ABL2: variants seen among roughly 807,000 people sequenced by gnomAD.
ABL2 encodes tyrosine-protein kinase ABL2.
Under a neutral mutation model 107.7 loss-of-function variants are expected in ABL2, and 49 were observed. That is an observed-to-expected ratio of 0.45 (90% CI 0.36 to 0.58). ABL2 has a LOEUF of 0.58. ABL2 is among the 20% of genes least tolerant of loss of function. The pLI, the probability that ABL2 is intolerant of heterozygous loss-of-function variation, is 0.00. For synonymous variants in ABL2, 549 were observed against 548.6 expected, an observed-to-expected ratio of 1.00 and a Z score of -0.01; for missense variants, 1,245 against 1,457.0, an observed-to-expected ratio of 0.85 and a Z score of 2.37.
chr1:179,110,776 T>C (rs1274359282), intron 10 of ABL2: 2 of 1,613,864 alleles, frequency 1.2e-6, no homozygotes. Context: ...AATACGTTGC[T>C]AGCATCATCC....
chr1:179,116,770 A>G (rs1220610785), intron 8 of ABL2: 1 of 154,588 alleles, frequency 6.5e-6, no homozygotes, highest in African/African-American at 2.4e-5. Context: ...TCGGCCTCCC[A>G]AAGTGCTGGG....
At chr1:179,130,848 T>C (rs915796215) in intron 3 of ABL2, among the ~76,000 whole-genome samples, 2 of 151,804 alleles carry the variant, frequency 1.3e-5, no homozygotes, top group Non-Finnish European at 2.9e-5. Context: ...CTTGTGTACA[T>C]GAACTGGATT....
intron 1 of ABL2, among the ~76,000 whole-genome samples, chr1:179,210,024 A>G (rs1214809445): frequency 6.6e-6 from 1 of 151,912 alleles, no homozygotes; most frequent in Middle Eastern, 3.2e-3. Context: ...ACAGGCACAC[A>G]GCTAACTTTT....
Position 179,229,365 on chromosome 1 carries a change from A to G in ABL2, c.33T>C (p.Ala11=). The change falls in exon 1 of 12, where the codon GCT becomes GCC. Residue 11 remains alanine (A), a synonymous_variant. Transcript: ENST00000502732. MGQQVGRVGE[A]PGLQQPQPRG... is the part of the protein sequence containing the mutation. ...GGGGCTGAGGCTGCTGGAGCCCCGG[A>G]GCTTCCCCGACGCGGCCCACCTGCT... 1 of 1,571,426 alleles carries G rather than the reference A, an allele frequency of 6.4e-7. No individual in the cohort carries two copies. The highest frequency in any genetic ancestry group is 8.6e-7 in the Non-Finnish European group (1 of 1,163,834).
chr1:179,120,185 C>T lies in ABL2; in HGVS notation c.1045+5G>A. 6.3e-7 allele frequency: 1 copy of T among 1,588,440 alleles called. No individual in the cohort carries two copies. Among genetic ancestry groups the T allele is most frequent in the Non-Finnish European group, 8.6e-7 (1 of 1,164,658 alleles). On this transcript the variant is annotated splice_donor_5th_base_variant and intron_variant, in intron 6 of 11. Transcript: ENST00000502732. ...GAAATCTATGGTTCAGGCAAGGTTC[C>T]TCACCTAAAAGTTGTACCAGATTAG...
At chr1:179,125,244 C>A (rs1219964728) in intron 4 of ABL2, among the ~76,000 whole-genome samples, 1 of 152,192 alleles carries the variant, frequency 6.6e-6, no homozygotes, top group Non-Finnish European at 1.5e-5. Context: ...CAAAAAAAAG[C>A]AGACGGCTGG....
At chr1:179,191,344 A>G (rs115315347) in intron 1 of ABL2, among the ~76,000 whole-genome samples, 1 of 151,744 alleles carries the variant, frequency 6.6e-6, no homozygotes, top group African/African-American at 2.4e-5. Context: ...TACTTTTCCA[A>G]TTCTTCTATA....
At chr1:179,169,576 C>T (rs1386788077) in intron 1 of ABL2, among the ~76,000 whole-genome samples, 1 of 151,120 alleles carries the variant, frequency 6.6e-6, no homozygotes, top group Non-Finnish European at 1.5e-5. Context: ...GACTAAGAGA[C>T]ATTAAACAGG....
intron 1 of ABL2, among the ~76,000 whole-genome samples, chr1:179,213,468 CTATT>C (rs926046627): frequency 2.0e-5 from 3 of 151,960 alleles, no homozygotes; most frequent in African/African-American, 7.2e-5. Flanking sequence ...CGTGCCCAGC[CTATT>C]TATTTTTAAA....
intron 1 of ABL2, among the ~76,000 whole-genome samples, chr1:179,211,845 AC>A (rs1257998855): frequency 5.9e-5 from 9 of 152,114 alleles, no homozygotes; most frequent in Non-Finnish European, 1.0e-4. Context: ...TGCAAAGAAA[AC>A]TCAGATTAGT....
At chr1:179,132,947 G>A (rs1020361187) in intron 2 of ABL2, among the ~76,000 whole-genome samples, 19 of 151,092 alleles carry the variant, frequency 1.3e-4, no homozygotes, top group Non-Finnish European at 2.5e-4. Context: ...CAACCTTCAC[G>A]TCCTAGGTTC....
intron 1 of ABL2, among the ~76,000 whole-genome samples, chr1:179,161,698 G>C (rs1008365292): frequency 6.6e-6 from 1 of 152,178 alleles, no homozygotes; most frequent in Non-Finnish European, 1.5e-5. Context: ...ATGACACAGC[G>C]AGACCCTCTC....
chr1:179,163,478 G>A (rs1659198307), intron 1 of ABL2, among the ~76,000 whole-genome samples: 1 of 152,146 alleles, frequency 6.6e-6, no homozygotes, highest in African/African-American at 2.4e-5. Flanking sequence ...CAGGCGCAGT[G>A]GCTAACACCT....
chr1:179,121,480 C>T (rs1030321236), intron 5 of ABL2, 115 bp downstream of exon 5: 1 of 1,347,804 alleles, frequency 7.4e-7, no homozygotes, highest in Non-Finnish European at 1.0e-6. Context: ...TGCTGATGTG[C>T]TTGGCACTAG....
chr1:179,187,543 C>T (rs1660742173), intron 1 of ABL2, among the ~76,000 whole-genome samples: 1 of 152,078 alleles, frequency 6.6e-6, no homozygotes, highest in Non-Finnish European at 1.5e-5. Flanking sequence ...TATAATATAA[C>T]TATAAAAGGT....
At chr1:179,186,984 G>C (rs527686004) in intron 1 of ABL2, among the ~76,000 whole-genome samples, 5 of 152,218 alleles carry the variant, frequency 3.3e-5, no homozygotes, top group African/African-American at 4.8e-5. Flanking sequence ...TGATCCACCT[G>C]CCCCCACAAA....
chr1:179,184,617 TGAA>T, intron 1 of ABL2: 1 of 525,420 alleles, frequency 1.9e-6, no homozygotes, highest in Non-Finnish European at 3.5e-6. Context: ...AAGATATTGA[TGAA>T]GAAGGGGATG....
chr1:179,147,867 A>T (rs2791936), intron 1 of ABL2, among the ~76,000 whole-genome samples: 1 of 151,918 alleles, frequency 6.6e-6, no homozygotes, highest in Non-Finnish European at 1.5e-5. Context: ...AGCAATAGAG[A>T]GACCTCAGCT....
rs1051371753 is a variant in ABL2 at position 179,105,809 on chromosome 1, C to G, written c.*1909G>C. The G allele has an allele frequency of 1.3e-5, 3 of 225,080 alleles. No individual in the cohort carries two copies. The highest frequency in any genetic ancestry group is 2.7e-5 in the Non-Finnish European group (3 of 113,102). The allele number at this position is 225,080 out of a possible 1,614,324, so 13.9% of individuals were successfully genotyped here. On this transcript the variant is annotated 3_prime_UTR_variant, in exon 12 of 12. Coordinates refer to ENST00000502732, the MANE Select transcript of ABL2 (RefSeq NM_007314.4). ...AAAACATAGTTTTCCCCTTAGTATT[C>G]TAGCCCAATTCATATAATCTCAACA... is the stretch of plus-strand genomic sequence containing the variant.
Sources: allele counts gnomAD v4.1 joint callset (sites outside exome capture counted in the v4.1 genomes callset), GRCh38; gene constraint gnomAD v4.1.1; transcripts MANE v1.5; gene names NCBI Gene and HGNC (gene_info 2026-07-23, HGNC 2026-07-21).